FUT9: variants seen among roughly 807,000 people sequenced by gnomAD.
FUT9 encodes fucosyltransferase 9.
In FUT9, 15 loss-of-function variants were observed where a neutral mutation model predicts 29.7. That is an observed-to-expected ratio of 0.51 (90% CI 0.34 to 0.78). The LOEUF is 0.78. Ranked by LOEUF, FUT9 falls within the 30% of genes least tolerant of loss-of-function variation. The pLI, the probability that FUT9 is intolerant of heterozygous loss-of-function variation, is 0.01. For synonymous variants in FUT9, 169 were observed against 153.7 expected (o/e 1.10, Z -0.74); for missense variants, 319 against 425.4 (o/e 0.75, Z 2.20).
At chr6:96,177,604 G>C (rs1773226931) in intron 2 of FUT9, among the ~76,000 whole-genome samples, 1 of 152,142 alleles carries the variant, frequency 6.6e-6, no homozygotes, top group Middle Eastern at 3.2e-3. Context: ...AGCATGGTTT[G>C]TGTTCCAGCC....
At chr6:96,071,438 T>G (rs188542366) in intron 1 of FUT9, among the ~76,000 whole-genome samples, 3 of 152,310 alleles carry the variant, frequency 2.0e-5, no homozygotes, top group Admixed American at 2.0e-4. Context: ...TGTTTACACA[T>G]TTGCCCAGAT....
intron 1 of FUT9, among the ~76,000 whole-genome samples, chr6:96,055,540 T>A (rs1040740101): frequency 2.0e-5 from 3 of 152,068 alleles, no homozygotes; most frequent in Admixed American, 1.3e-4. Flanking sequence ...CCTTTTTTTT[T>A]AACTTTATTG....
chr6:96,065,580 C>A (rs756874861), intron 1 of FUT9, among the ~76,000 whole-genome samples: 2 of 152,012 alleles, frequency 1.3e-5, no homozygotes, highest in Non-Finnish European at 2.9e-5. Flanking sequence ...AGTCTGTGAA[C>A]TTTCTCGGGA....
intron 2 of FUT9, among the ~76,000 whole-genome samples, chr6:96,143,741 T>C (rs1391619215): frequency 2.6e-5 from 4 of 152,140 alleles, no homozygotes; most frequent in African/African-American, 9.7e-5. Context: ...GTTGGGTGGA[T>C]TGAAATTTTA....
intron 2 of FUT9, among the ~76,000 whole-genome samples, chr6:96,139,102 T>A (rs1772413149): frequency 6.6e-6 from 1 of 152,114 alleles, no homozygotes; most frequent in African/African-American, 2.4e-5. Context: ...GGGTAATTTA[T>A]AAGGAGAAAG....
chr6:96,026,575 A>G (rs1411685588), intron 1 of FUT9, among the ~76,000 whole-genome samples: 1 of 151,706 alleles, frequency 6.6e-6, no homozygotes, highest in Non-Finnish European at 1.5e-5. Flanking sequence ...GTGTTATTAC[A>G]TATTTCCCAT....
At chr6:96,049,456 C>A (rs940121145) in intron 1 of FUT9, among the ~76,000 whole-genome samples, 6 of 152,206 alleles carry the variant, frequency 3.9e-5, no homozygotes, top group Non-Finnish European at 5.9e-5. Flanking sequence ...TTAGTCCTGT[C>A]CTTCTTGAGT....
chr6:96,083,606 C>A (rs1189399063), intron 1 of FUT9, among the ~76,000 whole-genome samples: 1 of 152,030 alleles, frequency 6.6e-6, no homozygotes, highest in African/African-American at 2.4e-5. Context: ...CCTTCAGCAG[C>A]TGGCATCACA....
intron 2 of FUT9, 35 bp from the exon 3 acceptor site, chr6:96,203,113 C>G (rs369223633): frequency 2.0e-6 from 3 of 1,495,632 alleles, no homozygotes; most frequent in Non-Finnish European, 2.7e-6. Flanking sequence ...TCATTCCCAC[C>G]GCTACCTCCC....
intron 1 of FUT9, among the ~76,000 whole-genome samples, chr6:96,036,249 C>A (rs983208350): frequency 6.6e-6 from 1 of 150,814 alleles, no homozygotes; most frequent in Non-Finnish European, 1.5e-5. Context: ...TAATTTTCAT[C>A]CAAGATGTTC....
intron 1 of FUT9, among the ~76,000 whole-genome samples, chr6:96,033,666 C>A (rs9322616): frequency 0.44 from 66,406 of 151,358 alleles, 14,620 homozygotes; most frequent in Non-Finnish European, 0.46. Flanking sequence ...ATATGTTAGA[C>A]AGCTAATTTT....
intron 1 of FUT9, among the ~76,000 whole-genome samples, chr6:96,102,139 A>G (rs1006952186): frequency 3.9e-5 from 6 of 152,082 alleles, no homozygotes; most frequent in Non-Finnish European, 7.4e-5. Context: ...TCACATCTTT[A>G]TATGGAAGTA....
chr6:96,106,904 T>C (rs1465771293), intron 1 of FUT9, among the ~76,000 whole-genome samples: 2 of 152,192 alleles, frequency 1.3e-5, no homozygotes, highest in Non-Finnish European at 2.9e-5. Context: ...AATTAAAAAA[T>C]AAAAAAATTC....
chr6:96,138,389 A>G (rs1772399389), intron 2 of FUT9, among the ~76,000 whole-genome samples: 1 of 151,960 alleles, frequency 6.6e-6, no homozygotes, highest in African/African-American at 2.4e-5. Flanking sequence ...AAAATAGATC[A>G]GGACGCTGAC....
intron 1 of FUT9, among the ~76,000 whole-genome samples, chr6:96,019,257 A>C (rs1166235053): frequency 1.3e-5 from 2 of 151,986 alleles, no homozygotes. Context: ...AGAGCTAAAC[A>C]ATTTAGTGTC....
At chr6:96,178,697 C>A (rs921888381) in intron 2 of FUT9, among the ~76,000 whole-genome samples, 5 of 152,036 alleles carry the variant, frequency 3.3e-5, no homozygotes, top group Non-Finnish European at 7.4e-5. Context: ...TTATGGGTTT[C>A]AATTCCTCAT....
chr6:96,202,876 A>T (rs2068195), intron 2 of FUT9, among the ~76,000 whole-genome samples: 63,696 of 151,884 alleles, frequency 0.42, 14,384 homozygotes, highest in South Asian at 0.7. Flanking sequence ...AAAGTAGAAC[A>T]GTTAAGGATA....
At chr6:96,024,086 G>T (rs1770120863) in intron 1 of FUT9, among the ~76,000 whole-genome samples, 1 of 151,900 alleles carries the variant, frequency 6.6e-6, no homozygotes, top group African/African-American at 2.4e-5. Context: ...TTCATGAGAT[G>T]ATGTTAACTT....
chr6:96,026,385 A>G (rs1257801433), intron 1 of FUT9, among the ~76,000 whole-genome samples: 1 of 151,730 alleles, frequency 6.6e-6, no homozygotes, highest in African/African-American at 2.4e-5. Context: ...AAGCTGCAAT[A>G]TTAGAGTCTA....
Sources: allele counts gnomAD v4.1 joint callset (sites outside exome capture counted in the v4.1 genomes callset), GRCh38; gene constraint gnomAD v4.1.1; transcripts MANE v1.5; gene names NCBI Gene and HGNC (gene_info 2026-07-23, HGNC 2026-07-21).